The following ACAP2 variants were observed in gnomAD, a reference collection of about 807,000 sequenced individuals.
ACAP2 encodes arf-GAP with coiled-coil, ANK repeat and PH domain-containing protein 2.
Under a neutral mutation model 115.8 loss-of-function variants are expected in ACAP2, and 39 were observed. That is an observed-to-expected ratio of 0.34 (90% CI 0.26 to 0.44). ACAP2 has a LOEUF of 0.44. Ranked by LOEUF, ACAP2 falls within the 20% of genes least tolerant of loss-of-function variation. The pLI is 1.00. For missense variants in ACAP2, 662 were observed against 927.6 expected, an observed-to-expected ratio of 0.71 and a Z score of 3.72; for synonymous variants, 289 against 315.8, an observed-to-expected ratio of 0.92 and a Z score of 0.90.
intron 1 of ACAP2, among the ~76,000 whole-genome samples, chr3:195,441,342 A>G (rs1301528825): frequency 6.6e-6 from 1 of 152,224 alleles, no homozygotes; most frequent in Non-Finnish European, 1.5e-5. Context: ...TAGGAAATCT[A>G]TTTGTGTCTC....
intron 22 of ACAP2, chr3:195,282,349 T>G (rs1726560956): frequency 6.6e-6 from 1 of 152,238 alleles, no homozygotes; most frequent in South Asian, 2.1e-4. Flanking sequence ...TAAAAAGTGT[T>G]AATATAATAC....
chr3:195,374,970 T>A (rs917692038), intron 4 of ACAP2, among the ~76,000 whole-genome samples: 4 of 152,044 alleles, frequency 2.6e-5, no homozygotes, highest in Non-Finnish European at 5.9e-5. Flanking sequence ...GGCGGGCAGA[T>A]CACCTGAGGT....
rs34038109 is a variant in ACAP2, at chr3:195,424,915, TAAAAAAAAAAAAAAAAA to T, written c.53+17863_53+17879del. ...TGAGTGATAGAGTGAGACCCTGTCT[TAAAAAAAAAAAAAAAAA>T]AAAAAAAAAAAAGGTTTTAAGAGTT... On this transcript the variant is annotated intron_variant, in intron 1 of 22. Transcript: ENST00000326793. Among the ~76,000 whole-genome samples the T allele has an allele frequency of 1.6e-4, 9 of 55,640 alleles. 1 individual carries two copies. The highest frequency in any genetic ancestry group is 2.6e-4 in the Non-Finnish European group (8 of 31,036). 36.5% of individuals were successfully genotyped at this position (55,640 alleles called of 152,430 possible).
chr3:195,297,242 A>C lies in ACAP2; in HGVS notation c.1435T>G (p.Tyr479Asp), dbSNP rs1385383033. 1 of 1,613,116 alleles carries C rather than the reference A, an allele frequency of 6.2e-7. No individual in the cohort carries two copies. Among genetic ancestry groups the C allele is most frequent in the Non-Finnish European group, 8.5e-7 (1 of 1,179,728 alleles). The change falls in exon 16 of 23, where the codon TAT becomes GAT. Residue 479 changes from tyrosine (Y) to aspartate (D), a missense_variant. Tyr to Asp is a radical substitution (Grantham distance 160). Coordinates refer to ENST00000326793, the MANE Select transcript of ACAP2 (RefSeq NM_012287.6). ...ELGNDVINRV[Y>D]EANVEKMGIK... The stretch of plus-strand genomic sequence containing the variant: ...CCCATTTTTTCCACATTAGCTTCAT[A>C]AACTCGATTTATAACATCATTCCCC...
Position 195,306,535 on chromosome 3 carries a change from A to G in ACAP2, c.1092T>C (p.Tyr364=). ...CCTCTGATTCATCACCCTTCTCTCTATAAGCAGTAGCAATACTGGTCTGAA... is the reference window on the plus strand; with the variant it reads ...CCTCTGATTCATCACCCTTCTCTCTGTAAGCAGTAGCAATACTGGTCTGAA... ...KAVQTSIATA[Y]REKGDESEKL... The change falls in exon 13 of 23, where the codon TAT becomes TAC. Residue 364 remains tyrosine (Y), a synonymous_variant. Coordinates refer to ENST00000326793, the MANE Select transcript of ACAP2 (RefSeq NM_012287.6). 6.2e-7 allele frequency: 1 copy of G among 1,612,426 alleles called. No homozygotes were observed. The highest frequency in any genetic ancestry group is 8.5e-7 in the Non-Finnish European group (1 of 1,179,266).
intron 2 of ACAP2, among the ~76,000 whole-genome samples, chr3:195,391,228 C>CT (rs1186667963): frequency 0.2 from 25,449 of 129,604 alleles, 2,689 homozygotes; most frequent in Admixed American, 0.27. Flanking sequence ...GCTTCTCTTT[C>CT]TTTTTTTTTT....
chr3:195,392,169 T>A (rs1734724247), intron 1 of ACAP2, 22 bp from the exon 2 acceptor site: 1 of 1,589,480 alleles, frequency 6.3e-7, no homozygotes, highest in South Asian at 1.1e-5. Flanking sequence ...AAATATAAAA[T>A]AAGTTATTTC....
intron 4 of ACAP2, among the ~76,000 whole-genome samples, chr3:195,363,444 A>C (rs1002783986): frequency 1.3e-5 from 2 of 152,132 alleles, no homozygotes; most frequent in South Asian, 4.1e-4. Flanking sequence ...GGAGTTCGAG[A>C]CCAGCCTGAC....
intron 1 of ACAP2, among the ~76,000 whole-genome samples, chr3:195,403,801 T>C (rs1005738493): frequency 2.0e-5 from 3 of 152,192 alleles, no homozygotes; most frequent in African/African-American, 7.2e-5. Context: ...ATCTACTAGA[T>C]ATACAAGTGA....
At chr3:195,412,752 C>T in intron 1 of ACAP2, 1 of 314,010 alleles carries the variant, frequency 3.2e-6, no homozygotes, top group South Asian at 2.7e-5. Flanking sequence ...ACCGTAACTG[C>T]CTTTGAAATA....
At chr3:195,424,033 G>A (rs1288002406) in intron 1 of ACAP2, among the ~76,000 whole-genome samples, 1 of 151,654 alleles carries the variant, frequency 6.6e-6, no homozygotes, top group Non-Finnish European at 1.5e-5. Context: ...CACAAATCAC[G>A]CAGGCCATAG....
intron 4 of ACAP2, among the ~76,000 whole-genome samples, chr3:195,377,647 C>G (rs1476365525): frequency 2.0e-5 from 3 of 151,816 alleles, no homozygotes; most frequent in Non-Finnish European, 4.4e-5. Context: ...ACAAGTCATT[C>G]CTACTGAAAA....
chr3:195,328,374 T>G (rs540041516), intron 8 of ACAP2, among the ~76,000 whole-genome samples: 2 of 152,292 alleles, frequency 1.3e-5, no homozygotes, highest in Admixed American at 6.5e-5. Flanking sequence ...TACAGAAGAA[T>G]AATTCTAGTC....
chr3:195,430,709 T>C (rs988234903), intron 1 of ACAP2, among the ~76,000 whole-genome samples: 1 of 151,680 alleles, frequency 6.6e-6, no homozygotes, highest in African/African-American at 2.4e-5. Flanking sequence ...AGTGTGACCC[T>C]GTCTCAACTG....
At chr3:195,377,917 T>C (rs1733662898) in intron 4 of ACAP2, among the ~76,000 whole-genome samples, 1 of 152,168 alleles carries the variant, frequency 6.6e-6, no homozygotes, top group Non-Finnish European at 1.5e-5. Flanking sequence ...CTGACCAACA[T>C]ACAGCCTTCA....
At chr3:195,385,560 T>C (rs1734246029) in intron 2 of ACAP2, among the ~76,000 whole-genome samples, 1 of 151,888 alleles carries the variant, frequency 6.6e-6, no homozygotes, top group African/African-American at 2.4e-5. Context: ...GAACAGATTC[T>C]GTTAAACTTC....
intron 1 of ACAP2, among the ~76,000 whole-genome samples, chr3:195,436,819 T>A (rs1304215702): frequency 6.6e-6 from 1 of 152,184 alleles, no homozygotes; most frequent in Admixed American, 6.5e-5. Flanking sequence ...GAATTTTTTT[T>A]AAAGGTGTTA....
intron 1 of ACAP2, among the ~76,000 whole-genome samples, chr3:195,431,724 G>A (rs1268565466): frequency 6.6e-6 from 1 of 151,756 alleles, no homozygotes; most frequent in African/African-American, 2.4e-5. Flanking sequence ...TGGGATTACA[G>A]GCATGAGGCA....
intron 4 of ACAP2, among the ~76,000 whole-genome samples, chr3:195,379,569 G>T (rs1410658569): frequency 6.6e-6 from 1 of 152,178 alleles, no homozygotes; most frequent in Non-Finnish European, 1.5e-5. Flanking sequence ...GAGGCGGGAG[G>T]ACGGCTTGAG....
Sources: gnomAD v4.1 joint callset for allele counts (sites outside exome capture counted in the v4.1 genomes callset) on GRCh38, gnomAD v4.1.1 for gene constraint, MANE v1.5 for transcripts, NCBI Gene and HGNC (gene_info 2026-07-23, HGNC 2026-07-21) for gene names.